The following AGBL4 variants were observed in gnomAD, a reference collection of about 807,000 sequenced individuals.
AGBL4 encodes the protein AGBL carboxypeptidase 4, also known as cytosolic carboxypeptidase 6.
Under a neutral mutation model 66.4 loss-of-function variants are expected in AGBL4, and 58 were observed. The ratio of observed to expected loss-of-function variants is 0.87; its 90% CI spans 0.71 to 1.09. The LOEUF (loss-of-function observed/expected upper bound fraction) is 1.09, where lower values mean the gene tolerates loss of function less well. AGBL4 is among the 50% of genes least tolerant of loss of function. The pLI is 0.00. For synonymous variants in AGBL4, 234 were observed against 222.9 expected (o/e 1.05, Z -0.44); for missense variants, 579 against 631.0 (o/e 0.92, Z 0.88).
chr1:49,545,393 A>C (rs536338951), intron 3 of AGBL4, among the ~76,000 whole-genome samples: 26 of 152,194 alleles, frequency 1.7e-4, no homozygotes, highest in Admixed American at 4.6e-4. Flanking sequence ...TCCCCAGTCA[A>C]GTTTTCAGAT....
intron 3 of AGBL4, among the ~76,000 whole-genome samples, chr1:49,489,383 A>C (rs1647140217): frequency 6.6e-6 from 1 of 151,614 alleles, no homozygotes; most frequent in African/African-American, 2.4e-5. Context: ...TCAGATTATT[A>C]GATTTTTTTC....
chr1:49,052,990 A>G (rs1644247158), intron 4 of AGBL4, among the ~76,000 whole-genome samples: 1 of 152,162 alleles, frequency 6.6e-6, no homozygotes, highest in Admixed American at 6.5e-5. Flanking sequence ...TTCCCAATCT[A>G]TAAAATGCAA....
chr1:49,729,400 C>T (rs1049884198), intron 2 of AGBL4, among the ~76,000 whole-genome samples: 3 of 151,908 alleles, frequency 2.0e-5, no homozygotes, highest in African/African-American at 4.8e-5. Flanking sequence ...ATTAAGAAAC[C>T]GAATTTTATA....
At chr1:48,576,365 T>C (rs929633904) in intron 11 of AGBL4, among the ~76,000 whole-genome samples, 1 of 152,156 alleles carries the variant, frequency 6.6e-6, no homozygotes, top group African/African-American at 2.4e-5. Context: ...AAAATTTTTC[T>C]CCCATGAAAT....
At chr1:48,534,345 T>G (rs1186109431) in intron 13 of AGBL4, 52 bp from the exon 14 acceptor site, 1 of 1,506,738 alleles carries the variant, frequency 6.6e-7, no homozygotes, top group Non-Finnish European at 8.9e-7. Context: ...ATACACACTG[T>G]GATGAAATCA....
chr1:49,293,586 A>G (rs189688711), intron 3 of AGBL4, among the ~76,000 whole-genome samples: 3 of 152,354 alleles, frequency 2.0e-5, no homozygotes, highest in East Asian at 1.9e-4. Flanking sequence ...CTCCCTGAGG[A>G]GATTCTGAAT....
chr1:49,673,283 G>A (rs1271495628), intron 3 of AGBL4, among the ~76,000 whole-genome samples: 1 of 152,114 alleles, frequency 6.6e-6, no homozygotes, highest in African/African-American at 2.4e-5. Flanking sequence ...AGTGCTTGCA[G>A]CACAAACATG....
At chr1:49,246,849 G>T (rs1256826990) in intron 3 of AGBL4, among the ~76,000 whole-genome samples, 1 of 151,824 alleles carries the variant, frequency 6.6e-6, no homozygotes, top group Non-Finnish European at 1.5e-5. Flanking sequence ...TCTTTCCAGG[G>T]ACAGTGAAAA....
intron 3 of AGBL4, among the ~76,000 whole-genome samples, chr1:49,260,975 T>C (rs1368058535): frequency 2.0e-5 from 3 of 149,952 alleles, no homozygotes; most frequent in African/African-American, 7.4e-5. Context: ...CAAGTGGGCT[T>C]CATCCCTGCG....
intron 1 of AGBL4, among the ~76,000 whole-genome samples, chr1:49,913,283 G>A (rs1651042282): frequency 6.6e-6 from 1 of 152,210 alleles, no homozygotes; most frequent in African/African-American, 2.4e-5. Flanking sequence ...GGTGGAAAAG[G>A]CATAGGATAG....
At chr1:48,859,951 A>G (rs543982463) in intron 6 of AGBL4, among the ~76,000 whole-genome samples, 2 of 152,248 alleles carry the variant, frequency 1.3e-5, no homozygotes, top group Non-Finnish European at 2.9e-5. Context: ...TTTTAGCCAT[A>G]TAAGATTCCC....
intron 3 of AGBL4, among the ~76,000 whole-genome samples, chr1:49,413,812 G>A (rs1645370147): frequency 6.6e-6 from 1 of 151,974 alleles, no homozygotes; most frequent in African/African-American, 2.4e-5. Context: ...TTGAAATCGG[G>A]GAAATCTTAC....
chr1:49,226,927 C>T (rs186200819), intron 4 of AGBL4, among the ~76,000 whole-genome samples: 4 of 152,266 alleles, frequency 2.6e-5, no homozygotes, highest in East Asian at 1.9e-4. Context: ...GCTGACTCAA[C>T]GTCTGGTGAG....
intron 5 of AGBL4, among the ~76,000 whole-genome samples, chr1:48,893,836 G>A (rs766916119): frequency 3.9e-5 from 6 of 152,042 alleles, no homozygotes; most frequent in African/African-American, 1.4e-4. Flanking sequence ...CTAACACTAC[G>A]ATCTCAGTCT....
intron 3 of AGBL4, among the ~76,000 whole-genome samples, chr1:49,330,981 C>A (rs749564400): frequency 1.3e-5 from 2 of 152,164 alleles, no homozygotes; most frequent in Non-Finnish European, 2.9e-5. Flanking sequence ...GGAACCCCCA[C>A]TCCCAGCCAA....
chr1:49,759,828 ACAGT>A (rs1210172351), intron 2 of AGBL4, among the ~76,000 whole-genome samples: 23 of 152,354 alleles, frequency 1.5e-4, no homozygotes, highest in African/African-American at 5.5e-4. Flanking sequence ...AAATCTCAAA[ACAGT>A]CAGGCTGAGT....
intron 3 of AGBL4, among the ~76,000 whole-genome samples, chr1:49,405,864 G>A (rs1001131826): frequency 6.6e-6 from 1 of 152,210 alleles, no homozygotes; most frequent in Non-Finnish European, 1.5e-5. Context: ...TTGTATGGGA[G>A]TAGAGAAAAC....
At chr1:48,913,192 A>T (rs1653292871) in intron 5 of AGBL4, among the ~76,000 whole-genome samples, 1 of 152,226 alleles carries the variant, frequency 6.6e-6, no homozygotes, top group African/African-American at 2.4e-5. Flanking sequence ...AGAGGGTTTT[A>T]AGCAGGGGAG....
chr1:49,024,474 ACTC>A (rs1180404386), intron 5 of AGBL4, among the ~76,000 whole-genome samples: 5 of 151,838 alleles, frequency 3.3e-5, no homozygotes, highest in Admixed American at 6.6e-5. Context: ...TCAGTCATCT[ACTC>A]CTTAATTTCT....
Sources: allele counts gnomAD v4.1 joint callset (sites outside exome capture counted in the v4.1 genomes callset), GRCh38; gene constraint gnomAD v4.1.1; transcripts MANE v1.5; gene names NCBI Gene and HGNC (gene_info 2026-07-23, HGNC 2026-07-21).